Variants in IL6R observed in about 807,000 individuals in gnomAD.
The protein encoded by IL6R is interleukin 6 receptor, also known as interleukin-6 receptor subunit alpha.
Under a neutral mutation model 48.3 loss-of-function variants are expected in IL6R, and 38 were observed. The observed-to-expected ratio is 0.79, with a 90% CI of 0.61 to 1.03. The LOEUF (loss-of-function observed/expected upper bound fraction) is 1.03, where lower values mean the gene tolerates loss of function less well. Ranked by LOEUF, IL6R falls within the 50% of genes least tolerant of loss-of-function variation. The pLI, the probability that IL6R is intolerant of heterozygous loss-of-function variation, is 0.00. For missense variants in IL6R, 534 were observed against 618.3 expected (o/e 0.86, Z 1.45); for synonymous variants, 264 against 256.2 (o/e 1.03, Z -0.29).
Position 154,468,979 on chromosome 1 carries a change from G to A in IL6R, c.*3599G>A, listed in dbSNP as rs778521867. 7 of 152,206 alleles carry A rather than the reference G, an allele frequency of 4.6e-5. No homozygotes were observed. The highest frequency in any genetic ancestry group is 7.3e-5 in the Non-Finnish European group (5 of 68,046). The allele number at this position is 152,206 out of a possible 1,614,324, so 9.4% of individuals were successfully genotyped here. On this transcript the variant is annotated 3_prime_UTR_variant, in exon 10 of 10. Transcript: ENST00000368485. ...GCAGCCGTGGGCAGGGGCTGCACACGGAGGGGCAGGCGGGCCAGTTCAGGG... is the reference window on the plus strand; with the variant it reads ...GCAGCCGTGGGCAGGGGCTGCACACAGAGGGGCAGGCGGGCCAGTTCAGGG...
At chr1:154,431,283 T>G (rs1689279561) in intron 3 of IL6R, among the ~76,000 whole-genome samples, 1 of 152,200 alleles carries the variant, frequency 6.6e-6, no homozygotes, top group Admixed American at 6.5e-5. Context: ...AATCTGCCTC[T>G]GCAGTTTTGC....
chr1:154,431,848 T>A (rs1689312867), intron 3 of IL6R, among the ~76,000 whole-genome samples: 3 of 152,228 alleles, frequency 2.0e-5, no homozygotes, highest in African/African-American at 4.8e-5. Context: ...AAGTGATGAT[T>A]CATGTCCTGG....
At chr1:154,425,038 G>A (rs552596298) in intron 1 of IL6R, among the ~76,000 whole-genome samples, 5 of 152,204 alleles carry the variant, frequency 3.3e-5, no homozygotes, top group African/African-American at 1.2e-4. Context: ...GAATAGAACA[G>A]GACAGGGATT....
intron 9 of IL6R, among the ~76,000 whole-genome samples, chr1:154,463,256 C>T (rs1481248344): frequency 6.6e-6 from 1 of 151,968 alleles, no homozygotes; most frequent in Non-Finnish European, 1.5e-5. Flanking sequence ...TGATTCTCTC[C>T]TCAGTCCTTT....
intron 6 of IL6R, among the ~76,000 whole-genome samples, chr1:154,442,284 G>C (rs1454000682): frequency 6.6e-6 from 1 of 152,162 alleles, no homozygotes; most frequent in East Asian, 1.9e-4. Flanking sequence ...TTTAGAGATA[G>C]CAGGAAAAGC....
intron 6 of IL6R, among the ~76,000 whole-genome samples, chr1:154,438,998 G>A (rs776444183): frequency 5.9e-5 from 9 of 151,936 alleles, no homozygotes; most frequent in South Asian, 4.2e-4. Flanking sequence ...AGGGTAGATC[G>A]TATTGACCTG....
At chr1:154,437,721 A>T (rs1001246401) in intron 6 of IL6R, among the ~76,000 whole-genome samples, 4 of 146,000 alleles carry the variant, frequency 2.7e-5, no homozygotes, top group African/African-American at 1.0e-4. Flanking sequence ...TAAACTTTAA[A>T]TTTTTTTTTT....
chr1:154,449,718 T>C (rs1489638353), intron 7 of IL6R, among the ~76,000 whole-genome samples, 193 bp from the exon 8 acceptor site: 2 of 152,192 alleles, frequency 1.3e-5, no homozygotes, highest in Non-Finnish European at 2.9e-5. Flanking sequence ...GCCCCACCTT[T>C]AGCAGGCATG....
chr1:154,455,833 G>T (rs140393337), intron 9 of IL6R, among the ~76,000 whole-genome samples: 1,697 of 151,748 alleles, frequency 0.011, 22 homozygotes, highest in Non-Finnish European at 0.018. Context: ...GAGGCAGGTG[G>T]ATCACCTGAG....
chr1:154,427,027 T>C lies in IL6R; in HGVS notation c.86-2169T>C, dbSNP rs189871240. Among the ~76,000 whole-genome samples, 237 of 152,164 alleles carry C rather than the reference T, an allele frequency of 1.6e-3. 3 individuals carry two copies. The highest frequency in any genetic ancestry group is 0.013 in the Admixed American group (201 of 15,270). ...TCCGCCTCCCTGGTTCAAGCAATTC[T>C]CCTGCCTCAGCCTCCCAAGTAGCTG... is the stretch of plus-strand genomic sequence containing the variant. On this transcript the variant is annotated intron_variant, in intron 1 of 9. Coordinates refer to ENST00000368485, the MANE Select transcript of IL6R (RefSeq NM_000565.4).
intron 8 of IL6R, chr1:154,454,201 C>T (rs1035387664): frequency 2.4e-5 from 11 of 458,666 alleles, no homozygotes; most frequent in African/African-American, 3.9e-5. Flanking sequence ...TAGCCACAGG[C>T]GCTCAGAAAC....
chr1:154,417,331 A>C (rs1042315025), intron 1 of IL6R, among the ~76,000 whole-genome samples: 3 of 152,182 alleles, frequency 2.0e-5, no homozygotes, highest in Non-Finnish European at 4.4e-5. Context: ...CAAAATGAGC[A>C]GGTTGGCCTG....
At chr1:154,442,969 C>T (rs1265883407) in intron 6 of IL6R, among the ~76,000 whole-genome samples, 1 of 152,022 alleles carries the variant, frequency 6.6e-6, no homozygotes, top group Non-Finnish European at 1.5e-5. Flanking sequence ...TGAGGTCACC[C>T]TATGTTGCAC....
chr1:154,465,229 G>C lies in IL6R; in HGVS notation c.1256G>C (p.Arg419Pro). 1 of 1,614,080 alleles carries C rather than the reference G, an allele frequency of 6.2e-7. No individual in the cohort carries two copies. Among genetic ancestry groups the C allele is most frequent in the Non-Finnish European group, 8.5e-7 (1 of 1,180,012 alleles). The change falls in exon 10 of 10, where the codon CGA becomes CCA. Residue 419 changes from arginine to proline, a missense_variant. Physicochemically the swap from Arg to Pro is moderately radical, Grantham distance 103. Coordinates refer to ENST00000368485, the MANE Select transcript of IL6R (RefSeq NM_000565.4). ...SLGQLVPERP[R>P]PTPVLVPLIS... ...GGGCAGCTGGTCCCGGAGAGGCCTC[G>C]ACCCACCCCAGTGCTTGTTCCTCTC... is the stretch of plus-strand genomic sequence containing the variant.
At chr1:154,418,404 C>T (rs954783127) in intron 1 of IL6R, 6 of 984,614 alleles carry the variant, frequency 6.1e-6, no homozygotes, top group East Asian at 2.3e-4. Context: ...TACAGTCCAT[C>T]GTGTGGATGG....
intron 9 of IL6R, 64 bp downstream of exon 9, chr1:154,454,645 C>A: frequency 8.8e-7 from 1 of 1,131,870 alleles, no homozygotes; most frequent in Non-Finnish European, 1.3e-6. Context: ...CTTTCCTTTG[C>A]CCATTCTGAA....
intron 6 of IL6R, among the ~76,000 whole-genome samples, chr1:154,444,432 CTT>C (rs1216850774): frequency 6.6e-6 from 1 of 152,144 alleles, no homozygotes; most frequent in African/African-American, 2.4e-5. Context: ...GGTCTTAACT[CTT>C]GACCTCAGGT....
intron 6 of IL6R, among the ~76,000 whole-genome samples, chr1:154,447,476 T>TATATACACAC (rs1424013885): frequency 8.7e-5 from 6 of 68,830 alleles, no homozygotes; most frequent in Admixed American, 2.2e-4. Context: ...TATATATATA[T>TATATACACAC]ACACACACAC....
intron 9 of IL6R, among the ~76,000 whole-genome samples, chr1:154,463,336 T>G (rs530585444): frequency 2.0e-5 from 3 of 152,222 alleles, no homozygotes; most frequent in Non-Finnish European, 4.4e-5. Context: ...TCTCTTCCTG[T>G]GTGGTGTCCA....
Sources: allele counts gnomAD v4.1 joint callset (sites outside exome capture counted in the v4.1 genomes callset), GRCh38; gene constraint gnomAD v4.1.1; transcripts MANE v1.5; gene names NCBI Gene and HGNC (gene_info 2026-07-23, HGNC 2026-07-21).